The following LZTS1 variants were observed in gnomAD, a reference collection of about 807,000 sequenced individuals.
LZTS1 encodes leucine zipper putative tumor suppressor 1.
LZTS1 carries 31 observed loss-of-function variants against 45.8 expected under a neutral mutation model. The observed-to-expected ratio is 0.68, with a 90% CI of 0.51 to 0.91. The LOEUF (loss-of-function observed/expected upper bound fraction) is 0.91, where lower values mean the gene tolerates loss of function less well. LZTS1 is among the 40% of genes least tolerant of loss of function. The pLI is 0.00. For synonymous variants in LZTS1, 359 were observed against 357.3 expected, an observed-to-expected ratio of 1.00 and a Z score of -0.05; for missense variants, 821 against 788.9, an observed-to-expected ratio of 1.04 and a Z score of -0.49.
chr8:20,252,859 G>T lies in LZTS1; in HGVS notation c.1072C>A (p.Leu358Met). The T allele has an allele frequency of 6.2e-7, 1 of 1,601,200 alleles. No individual in the cohort carries two copies. Among genetic ancestry groups the T allele is most frequent in the Non-Finnish European group, 8.5e-7 (1 of 1,173,278 alleles). The change falls in exon 3 of 4, where the codon CTG (leucine) becomes ATG (methionine). Residue 358 changes from leucine to methionine, a missense_variant. By Grantham distance (15) the Leu-to-Met change is conservative. Coordinates refer to ENST00000381569, the MANE Select transcript of LZTS1 (RefSeq NM_021020.5). Reference sequence around the variant, plus strand: ...TAGGACCTGAGCTTGGTCTCCAGCAGGTCCTGCTCCTTCATGAGGCTCTCG... The same window carrying T: ...TAGGACCTGAGCTTGGTCTCCAGCATGTCCTGCTCCTTCATGAGGCTCTCG... Reference protein sequence around the residue: ...ELESLMKEQDLLETKLRSYER... With the variant: ...ELESLMKEQDMLETKLRSYER...
rs144612711 is a variant in LZTS1, at chr8:20,296,726, T to A, written c.-135+7014A>T. 2.2e-4 allele frequency among the ~76,000 whole-genome samples: 34 copies of A among 151,880 alleles called. No homozygotes were observed. In the East Asian group the frequency reaches 6.6e-3, roughly 29 times the overall value. ...GTGTATGTGTGTATGTGTGCGTGTG[T>A]GCATGTGTGTGCATGTGCTCTGGCA... is the stretch of plus-strand genomic sequence containing the variant. On this transcript the variant is annotated intron_variant, in intron 1 of 3. Transcript: ENST00000381569.
At chr8:20,261,890 G>T (rs1268598450) in intron 1 of LZTS1, among the ~76,000 whole-genome samples, 2 of 152,042 alleles carry the variant, frequency 1.3e-5, no homozygotes, top group Non-Finnish European at 2.9e-5. Context: ...CAGCCACCCC[G>T]CCTCCTGCCT....
chr8:20,271,457 A>G (rs575414151), intron 1 of LZTS1, among the ~76,000 whole-genome samples: 98 of 152,270 alleles, frequency 6.4e-4, no homozygotes, highest in African/African-American at 2.2e-3. Context: ...CTCTGTCTCC[A>G]TGAACCTTCC....
At chr8:20,258,687 C>T (rs538664528) in intron 1 of LZTS1, among the ~76,000 whole-genome samples, 1 of 152,246 alleles carries the variant, frequency 6.6e-6, no homozygotes, top group African/African-American at 2.4e-5. Flanking sequence ...AAGATAACAG[C>T]TCTGGAACAT....
At chr8:20,292,018 T>C (rs555554635) in intron 1 of LZTS1, among the ~76,000 whole-genome samples, 1 of 152,354 alleles carries the variant, frequency 6.6e-6, no homozygotes, top group Admixed American at 6.5e-5. Flanking sequence ...TGGAGGTGTT[T>C]CCTGAGGAAG....
In LZTS1 at chr8:20,249,870, T is replaced by C; in HGVS notation, c.1643A>G (p.Gln548Arg). 1 of 1,614,258 alleles carries C rather than the reference T, an allele frequency of 6.2e-7. No homozygotes were observed. The highest frequency in any genetic ancestry group is 8.5e-7 in the Non-Finnish European group (1 of 1,180,036). Residue 548 changes from glutamine (Q) to arginine (R), a missense_variant, in exon 4 of 4, where the codon CAG (glutamine) becomes CGG (arginine). By Grantham distance (43) the Gln-to-Arg change is conservative. Coordinates refer to ENST00000381569, the MANE Select transcript of LZTS1 (RefSeq NM_021020.5). ...CCGCTGGTACATGGCCACGTAGCTC[T>C]GCTGCAGCTGTTTCTGGTACTGAAT... ...KVIQYQKQLQ[Q>R]SYVAMYQRNQ...
rs375706462 is a variant in LZTS1, at chr8:20,250,245, C to T, written c.1268G>A (p.Arg423Gln). 1.4e-5 allele frequency: 23 copies of T among 1,613,522 alleles called. No individual in the cohort carries two copies. The highest frequency in any genetic ancestry group is 6.7e-5 in the East Asian group (3 of 44,894). The change falls in exon 4 of 4, where the codon CGG becomes CAG. Residue 423 changes from arginine (R) to glutamine (Q), a missense_variant. Transcript: ENST00000381569. ...LGLKAQLKDTRGKLEGLELRT... is the reference protein window; with the variant it reads ...LGLKAQLKDTQGKLEGLELRT... ...CAGCTCCAGGCCCTCCAGCTTGCCC[C>T]GCGTGTCCTTCAGCTGTGCCTTGAG...
At chr8:20,251,556 G>C (rs1799910312) in intron 3 of LZTS1, among the ~76,000 whole-genome samples, 1 of 152,168 alleles carries the variant, frequency 6.6e-6, no homozygotes, top group Non-Finnish European at 1.5e-5. Flanking sequence ...CATGACCCCA[G>C]ATGGCCAAGA....
chr8:20,278,159 T>C (rs1291032012), intron 1 of LZTS1, among the ~76,000 whole-genome samples: 3 of 152,082 alleles, frequency 2.0e-5, no homozygotes, highest in Non-Finnish European at 2.9e-5. Context: ...TCCCAGTAGA[T>C]AGAAACACCT....
At chr8:20,265,129 C>T (rs568969774) in intron 1 of LZTS1, among the ~76,000 whole-genome samples, 2 of 152,106 alleles carry the variant, frequency 1.3e-5, no homozygotes, top group Non-Finnish European at 2.9e-5. Context: ...GGTAGGTTGC[C>T]GGGCAGGGAT....
At chr8:20,284,154 G>A (rs1800745983) in intron 1 of LZTS1, among the ~76,000 whole-genome samples, 3 of 152,180 alleles carry the variant, frequency 2.0e-5, no homozygotes, top group Admixed American at 1.3e-4. Flanking sequence ...CCCATGGGCA[G>A]CTTCATAACC....
chr8:20,253,045 C>T lies in LZTS1; in HGVS notation c.886G>A (p.Glu296Lys), dbSNP rs779973869. The change falls in exon 3 of 4, where the codon GAG becomes AAG. Residue 296 changes from glutamate to lysine, a missense_variant. Glu to Lys is a moderately conservative substitution (Grantham distance 56). Coordinates refer to ENST00000381569, the MANE Select transcript of LZTS1 (RefSeq NM_021020.5). ...EKELASSLAY[E>K]ERPRRCRDEL... Reference sequence around the variant, plus strand: ...TCCCTGCAGCGCCGCGGCCGCTCCTCGTAGGCCAGGCTGGAGGCAAGCTCC... The same window carrying T: ...TCCCTGCAGCGCCGCGGCCGCTCCTTGTAGGCCAGGCTGGAGGCAAGCTCC... The T allele has an allele frequency of 5.6e-6, 9 of 1,605,244 alleles. No homozygotes were observed. In the Admixed American group the frequency reaches 6.7e-5, roughly 12 times the overall value.
chr8:20,281,904 A>C (rs1800699971), intron 1 of LZTS1, among the ~76,000 whole-genome samples: 1 of 152,188 alleles, frequency 6.6e-6, no homozygotes. Flanking sequence ...AGGAGATAAG[A>C]GAGAAAAGAG....
rs1801126000 is a variant in LZTS1, at chr8:20,303,850, C to G, written c.-245G>C. 1.0e-6 allele frequency: 1 copy of G among 985,128 alleles called. No individual in the cohort carries two copies. Among genetic ancestry groups the G allele is most frequent in the East Asian group, 1.1e-4 (1 of 8,810 alleles). The allele number at this position is 985,128 out of a possible 1,614,324, so 61.0% of individuals were successfully genotyped here. A position where few individuals can be genotyped will look rare whatever the true frequency, so the allele number is the denominator to read the frequency against. On this transcript the variant is annotated 5_prime_UTR_variant, in exon 1 of 4. Coordinates refer to ENST00000381569, the MANE Select transcript of LZTS1 (RefSeq NM_021020.5). ...TGCTGAGCGGGCCGGGCCGGTCCCA[C>G]TGCGCGGGATGCAGCTCCCGGCTCC...
intron 1 of LZTS1, among the ~76,000 whole-genome samples, chr8:20,293,705 G>C (rs1423349833): frequency 6.6e-6 from 1 of 152,096 alleles, no homozygotes; most frequent in African/African-American, 2.4e-5. Context: ...GGTTGGACTG[G>C]GGAGATTTCT....
At chr8:20,284,425 G>A (rs1172065488) in intron 1 of LZTS1, among the ~76,000 whole-genome samples, 1 of 152,160 alleles carries the variant, frequency 6.6e-6, no homozygotes, top group East Asian at 1.9e-4. Flanking sequence ...ATAAGAGCTG[G>A]GAGCCCGCAG....
chr8:20,280,312 G>A (rs1800662613), intron 1 of LZTS1, among the ~76,000 whole-genome samples: 1 of 152,180 alleles, frequency 6.6e-6, no homozygotes, highest in Non-Finnish European at 1.5e-5. Flanking sequence ...CCGCAGCCTG[G>A]CTTTGTCAGG....
At chr8:20,288,923 A>T (rs1800846605) in intron 1 of LZTS1, among the ~76,000 whole-genome samples, 1 of 151,400 alleles carries the variant, frequency 6.6e-6, no homozygotes, top group African/African-American at 2.4e-5. Context: ...GGGTTTTGGT[A>T]AGTATTGAGT....
At chr8:20,273,148 G>A (rs936507491) in intron 1 of LZTS1, among the ~76,000 whole-genome samples, 1 of 152,054 alleles carries the variant, frequency 6.6e-6, no homozygotes, top group Non-Finnish European at 1.5e-5. Context: ...TTGACCTCTC[G>A]GCGGCTCTGT....
Sources: gnomAD v4.1 joint callset for allele counts (sites outside exome capture counted in the v4.1 genomes callset) on GRCh38, gnomAD v4.1.1 for gene constraint, MANE v1.5 for transcripts, NCBI Gene and HGNC (gene_info 2026-07-23, HGNC 2026-07-21) for gene names.